DLG2: variants seen among roughly 807,000 people sequenced by gnomAD.
DLG2 encodes discs large MAGUK scaffold protein 2.
A neutral mutation model predicts 132.5 loss-of-function variants in DLG2; 45 were observed. The observed-to-expected ratio is 0.34, with a 90% CI of 0.27 to 0.44. DLG2 has a LOEUF of 0.44. Ranked by LOEUF, DLG2 falls within the 20% of genes least tolerant of loss-of-function variation. The pLI, the probability that DLG2 is intolerant of heterozygous loss-of-function variation, is 1.00. For missense variants in DLG2, 1,045 were observed against 1,196.9 expected, an observed-to-expected ratio of 0.87 and a Z score of 1.87; for synonymous variants, 424 against 419.6, an observed-to-expected ratio of 1.01 and a Z score of -0.13.
At chr11:85,514,266 C>G (rs1400262535) in intron 3 of DLG2, among the ~76,000 whole-genome samples, 1 of 151,942 alleles carries the variant, frequency 6.6e-6, no homozygotes, top group South Asian at 2.1e-4. Flanking sequence ...ATGTAAGGCT[C>G]CTGGTAGTTA....
intron 4 of DLG2, among the ~76,000 whole-genome samples, chr11:85,269,646 C>T (rs1170906074): frequency 6.6e-6 from 1 of 152,142 alleles, no homozygotes; most frequent in Non-Finnish European, 1.5e-5. Flanking sequence ...CAAATGTTAA[C>T]TGTTCACAAT....
intron 4 of DLG2, among the ~76,000 whole-genome samples, chr11:85,178,963 G>A (rs1051063715): frequency 1.3e-5 from 2 of 151,810 alleles, no homozygotes; most frequent in African/African-American, 4.8e-5. Flanking sequence ...ATACAGCTGA[G>A]AATTTTCCAG....
At chr11:85,094,655 C>T (rs1034924238) in intron 6 of DLG2, among the ~76,000 whole-genome samples, 7 of 152,174 alleles carry the variant, frequency 4.6e-5, no homozygotes, top group South Asian at 2.1e-4. Flanking sequence ...TAGGGCCTTG[C>T]TCTGGATTAG....
chr11:83,515,325 A>G (rs1046646206), intron 21 of DLG2, among the ~76,000 whole-genome samples: 4 of 152,064 alleles, frequency 2.6e-5, no homozygotes, highest in African/African-American at 7.2e-5. Context: ...AGAGGTGTTT[A>G]TAGTATTCTC....
intron 6 of DLG2, among the ~76,000 whole-genome samples, chr11:84,664,609 A>G (rs548059663): frequency 6.6e-6 from 1 of 152,252 alleles, no homozygotes; most frequent in African/African-American, 2.4e-5. Context: ...TAATTGTCTC[A>G]TAGAAGGAAA....
intron 7 of DLG2, among the ~76,000 whole-genome samples, chr11:84,381,071 T>A (rs1350844037): frequency 6.6e-6 from 1 of 151,856 alleles, no homozygotes; most frequent in East Asian, 1.9e-4. Context: ...AACAGAAAAT[T>A]TGAAACGATA....
rs2098972591 is a variant in DLG2, at chr11:84,428,045, T to C, written c.519+106525A>G. On this transcript the variant is annotated intron_variant, in intron 7 of 27. Transcript: ENST00000376104. ...TGAGTTATATGTATTTTTTGTTTTA[T>C]CAAGTTTGTTGGGTGAATAGTTTGC... Among the ~76,000 whole-genome samples the C allele has an allele frequency of 2.0e-5, 3 of 152,320 alleles. No individual in the cohort carries two copies. The South Asian group carries it at 6.2e-4, about 32-fold the overall frequency.
chr11:84,430,950 T>C (rs749059883), intron 7 of DLG2, among the ~76,000 whole-genome samples: 2 of 152,102 alleles, frequency 1.3e-5, no homozygotes, highest in Non-Finnish European at 2.9e-5. Context: ...AAGAAAGGGA[T>C]CTAAGAGGAC....
chr11:83,584,441 A>C (rs1413274939), intron 19 of DLG2, among the ~76,000 whole-genome samples: 1 of 152,226 alleles, frequency 6.6e-6, no homozygotes, highest in Non-Finnish European at 1.5e-5. Flanking sequence ...AAAAATGAAT[A>C]ACTTAAGGTC....
At chr11:84,975,054 T>G (rs2054682558) in intron 6 of DLG2, among the ~76,000 whole-genome samples, 1 of 152,138 alleles carries the variant, frequency 6.6e-6, no homozygotes, top group Non-Finnish European at 1.5e-5. Context: ...TAGCCAAGTC[T>G]CACATTCTAC....
intron 18 of DLG2, among the ~76,000 whole-genome samples, chr11:83,752,501 T>C (rs374988089): frequency 2.1e-4 from 32 of 152,050 alleles, no homozygotes; most frequent in Admixed American, 1.8e-3. Flanking sequence ...ATGGTGAAAA[T>C]TGAAAATTGA....
intron 7 of DLG2, chr11:84,316,722 A>G: frequency 2.4e-6 from 3 of 1,242,646 alleles, no homozygotes; most frequent in South Asian, 1.6e-5. Context: ...ACATACAGGC[A>G]TACCCGTGGT....
chr11:84,956,444 G>T (rs188633049), intron 6 of DLG2, among the ~76,000 whole-genome samples: 1 of 152,258 alleles, frequency 6.6e-6, no homozygotes, highest in East Asian at 1.9e-4. Flanking sequence ...TTTGAACCAG[G>T]TCATATTTGA....
intron 7 of DLG2, chr11:84,316,699 G>A (rs1442835240): frequency 3.8e-6 from 4 of 1,040,408 alleles, no homozygotes; most frequent in African/African-American, 1.6e-5. Context: ...GGTTTTTCTT[G>A]GCCTAATATT....
chr11:84,095,416 T>C (rs566892824), intron 10 of DLG2, among the ~76,000 whole-genome samples: 1 of 152,328 alleles, frequency 6.6e-6, no homozygotes, highest in African/African-American at 2.4e-5. Flanking sequence ...CTGTGTTACA[T>C]ACAGAAGTTA....
chr11:83,787,788 T>G (rs933510015), intron 17 of DLG2, among the ~76,000 whole-genome samples: 1 of 152,188 alleles, frequency 6.6e-6, no homozygotes, highest in African/African-American at 2.4e-5. Flanking sequence ...AGCTCCAAAC[T>G]CTGCCAGGGT....
At chr11:84,216,945 T>C (rs2096843577) in intron 8 of DLG2, among the ~76,000 whole-genome samples, 1 of 152,166 alleles carries the variant, frequency 6.6e-6, no homozygotes, top group Non-Finnish European at 1.5e-5. Context: ...ACAGTATGTA[T>C]ACAAAGTGGC....
intron 17 of DLG2, among the ~76,000 whole-genome samples, chr11:83,832,405 T>G (rs12273815): frequency 0.099 from 15,025 of 152,234 alleles, 893 homozygotes; most frequent in South Asian, 0.19. Flanking sequence ...GTCAATCTCA[T>G]CTCAGTAAAG....
At chr11:83,919,752 C>A (rs1256874650) in intron 15 of DLG2, among the ~76,000 whole-genome samples, 4 of 152,094 alleles carry the variant, frequency 2.6e-5, no homozygotes, top group Admixed American at 2.0e-4. Context: ...ACTGTTTAGT[C>A]CAATCTTTGT....
Sources: gnomAD v4.1 joint callset for allele counts (sites outside exome capture counted in the v4.1 genomes callset) on GRCh38, gnomAD v4.1.1 for gene constraint, MANE v1.5 for transcripts, NCBI Gene and HGNC (gene_info 2026-07-23, HGNC 2026-07-21) for gene names.